SLC19A3: variants seen among roughly 807,000 people sequenced by gnomAD.
The protein encoded by SLC19A3 is thiamine transporter 2.
In SLC19A3, 31 loss-of-function variants were observed where a neutral mutation model predicts 40.2. The ratio of observed to expected loss-of-function variants is 0.77; its 90% CI spans 0.58 to 1.04. The LOEUF is 1.04. SLC19A3 is among the 50% of genes least tolerant of loss of function. The probability of loss-of-function intolerance (pLI) is 0.00; values close to 1 mark genes in which losing one functional copy is unlikely to be tolerated. For synonymous variants in SLC19A3, 212 were observed against 227.5 expected (o/e 0.93, Z 0.61); for missense variants, 592 against 596.7 (o/e 0.99, Z 0.08).
intron 1 of SLC19A3, 54 bp downstream of exon 1, chr2:227,717,889 G>C: frequency 1.0e-6 from 1 of 983,990 alleles, no homozygotes; most frequent in Non-Finnish European, 1.2e-6. Flanking sequence ...ACACTGCTAA[G>C]ACCGAGGGAT....
intron 3 of SLC19A3, among the ~76,000 whole-genome samples, chr2:227,696,718 T>C (rs1227063079): frequency 1.3e-5 from 2 of 152,212 alleles, no homozygotes; most frequent in African/African-American, 2.4e-5. Flanking sequence ...GAAATTGAAA[T>C]AATTGACAGT....
chr2:227,694,462 T>A (rs1377895453), intron 4 of SLC19A3, among the ~76,000 whole-genome samples: 1 of 152,254 alleles, frequency 6.6e-6, no homozygotes, highest in Non-Finnish European at 1.5e-5. Flanking sequence ...TTTCCTTTGA[T>A]GATTTTTTCC....
intron 4 of SLC19A3, 116 bp downstream of exon 4, chr2:227,695,773 A>C: frequency 1.0e-6 from 1 of 980,698 alleles, no homozygotes; most frequent in Non-Finnish European, 1.6e-6. Context: ...AATATAAAGC[A>C]GTCAACATTT....
chr2:227,688,460 T>C (rs747318979), intron 4 of SLC19A3, among the ~76,000 whole-genome samples, 153 bp from the exon 5 acceptor site: 37 of 152,064 alleles, frequency 2.4e-4, no homozygotes, highest in African/African-American at 3.9e-4. Flanking sequence ...TGGAAGAAAG[T>C]AAAGGAAAAG....
intron 1 of SLC19A3, among the ~76,000 whole-genome samples, chr2:227,708,966 A>G (rs1696047082): frequency 6.6e-6 from 1 of 152,146 alleles, no homozygotes; most frequent in Non-Finnish European, 1.5e-5. Context: ...TGTGCACACA[A>G]CAATGTTCAC....
At chr2:227,715,307 C>T (rs183140879) in intron 1 of SLC19A3, among the ~76,000 whole-genome samples, 56 of 152,082 alleles carry the variant, frequency 3.7e-4, no homozygotes, top group African/African-American at 1.2e-3. Flanking sequence ...CTTCCAAAGA[C>T]GTAAACTAGA....
chr2:227,702,395 A>ATTT (rs71039629), intron 1 of SLC19A3, 75 bp from the exon 2 acceptor site: 20 of 1,057,842 alleles, frequency 1.9e-5, no homozygotes, highest in East Asian at 5.8e-5. Context: ...TGAAAACCTG[A>ATTT]TTTTTTTTTT....
intron 1 of SLC19A3, among the ~76,000 whole-genome samples, chr2:227,717,537 C>T (rs13399220): frequency 0.19 from 29,588 of 152,084 alleles, 3,814 homozygotes; most frequent in East Asian, 0.76. Flanking sequence ...AGCCCCTGCT[C>T]TCTTAAATTC....
intron 3 of SLC19A3, among the ~76,000 whole-genome samples, chr2:227,696,441 GA>G (rs1160622108): frequency 2.0e-5 from 3 of 152,188 alleles, no homozygotes; most frequent in African/African-American, 7.2e-5. Flanking sequence ...GGAAAAGGAT[GA>G]AATAAATTCT....
intron 2 of SLC19A3, chr2:227,701,900 C>A (rs957815023): frequency 3.3e-5 from 13 of 397,634 alleles, no homozygotes; most frequent in African/African-American, 2.0e-4. Flanking sequence ...TCAACGGAGA[C>A]CTGAAAGTCT....
At chr2:227,688,443 G>T in intron 4 of SLC19A3, 136 bp from the exon 5 acceptor site, 1 of 724,136 alleles carries the variant, frequency 1.4e-6, no homozygotes, top group Non-Finnish European at 2.4e-6. Flanking sequence ...GAGAGAGAGA[G>T]ACTGTCTGGA....
chr2:227,706,417 TTA>T lies in SLC19A3; in HGVS notation c.-2-4099_-2-4098del, dbSNP rs929170276. On this transcript the variant is annotated intron_variant, in intron 1 of 5. Transcript: ENST00000644224. ...CTCCTGTAGCAGTCATCTTCACCCA[TTA>T]TTATAAGCTCTATCACTTTTTAAAA... The T allele has an allele frequency of 5.7e-6, 7 of 1,230,944 alleles. No homozygotes were observed. In the African/African-American group the frequency reaches 9.3e-5, roughly 16 times the overall value. The allele number at this position is 1,230,944 out of a possible 1,614,324, so 76.3% of individuals were successfully genotyped here.
At chr2:227,706,302 T>C in intron 1 of SLC19A3, 1 of 1,231,668 alleles carries the variant, frequency 8.1e-7, no homozygotes, top group Non-Finnish European at 1.0e-6. Flanking sequence ...GACTTGATTT[T>C]CTGAGTTCAT....
In SLC19A3 at chr2:227,684,486, T is replaced by C. The variant is rs1367094760; in HGVS notation, c.*2911A>G. The C allele has an allele frequency of 1.3e-5, 2 of 152,090 alleles. No individual in the cohort carries two copies. The highest frequency in any genetic ancestry group is 2.4e-5 in the African/African-American group (1 of 41,418). 9.4% of individuals were successfully genotyped at this position (152,090 alleles called of 1,614,324 possible). On this transcript the variant is annotated 3_prime_UTR_variant, in exon 6 of 6. Coordinates refer to ENST00000644224, the MANE Select transcript of SLC19A3 (RefSeq NM_025243.4). ...CACACCCGGCTAATTTTGTTGTTTT[T>C]AGTACATACAGGGTTTCATCATGTT...
At chr2:227,712,651 T>G (rs1054895362) in intron 1 of SLC19A3, among the ~76,000 whole-genome samples, 1 of 152,172 alleles carries the variant, frequency 6.6e-6, no homozygotes, top group Non-Finnish European at 1.5e-5. Flanking sequence ...TATTTATATT[T>G]GTGAAAAAAT....
At position 227,718,028 on chromosome 2, in the gene SLC19A3, T is replaced by A; in HGVS notation, c.-88A>T. On this transcript the variant is annotated 5_prime_UTR_variant, in exon 1 of 6. Coordinates refer to ENST00000644224, the MANE Select transcript of SLC19A3 (RefSeq NM_025243.4). ...GCTGTCGGATGGATCCAGGCGCTCTTGGTGGGAAGGGGGCGGAGCCTGCCT... is the reference window on the plus strand; with the variant it reads ...GCTGTCGGATGGATCCAGGCGCTCTAGGTGGGAAGGGGGCGGAGCCTGCCT... The A allele has an allele frequency of 1.0e-6, 1 of 985,122 alleles. No homozygotes were observed. The highest frequency in any genetic ancestry group is 1.2e-6 in the Non-Finnish European group (1 of 829,718). The allele number at this position is 985,122 out of a possible 1,614,324, so 61.0% of individuals were successfully genotyped here.
At position 227,696,060 on chromosome 2, in the gene SLC19A3, A is replaced by G; in HGVS notation, c.1001T>C (p.Val334Ala). ...TFGGAVAAFA[V>A]GYVKVNWDLL... Reference sequence around the variant, plus strand: ...GTCCCAGTTGACTTTCACATAACCCACTGCAAAGGCAGCCACAGCCCCTGA... The same window carrying G: ...GTCCCAGTTGACTTTCACATAACCCGCTGCAAAGGCAGCCACAGCCCCTGA... Residue 334 changes from valine to alanine, a missense_variant, in exon 4 of 6, where the codon GTG becomes GCG. Transcript: ENST00000644224. 1 of 1,603,834 alleles carries G rather than the reference A, an allele frequency of 6.2e-7. No individual in the cohort carries two copies. Among genetic ancestry groups the G allele is most frequent in the East Asian group, 2.2e-5 (1 of 44,448 alleles).
intron 1 of SLC19A3, among the ~76,000 whole-genome samples, chr2:227,709,761 T>C (rs2106340354): frequency 6.6e-6 from 1 of 152,142 alleles, no homozygotes; most frequent in African/African-American, 2.4e-5. Context: ...GAACAAGATA[T>C]TGGGTGGGTG....
In SLC19A3 at chr2:227,698,761, G is replaced by C; in HGVS notation, c.954C>G (p.Ala318=). The C allele has an allele frequency of 6.2e-7, 1 of 1,613,810 alleles. No homozygotes were observed. The highest frequency in any genetic ancestry group is 8.5e-7 in the Non-Finnish European group (1 of 1,179,974). The change falls in exon 3 of 6, where the codon GCC becomes GCG. Residue 318 remains alanine (A), a synonymous_variant. Transcript: ENST00000644224. ...PSQDSSIYNG[A]VEAIATFGGA... is the part of the protein sequence containing the mutation. ...CTCCAAAGGTTGCAATAGCTTCTAC[G>C]GCCCCATTATAGATGGAAGAATCTT...
Sources: gnomAD v4.1 joint callset for allele counts (sites outside exome capture counted in the v4.1 genomes callset) on GRCh38, gnomAD v4.1.1 for gene constraint, MANE v1.5 for transcripts, NCBI Gene and HGNC (gene_info 2026-07-23, HGNC 2026-07-21) for gene names.